LPA: variants seen among roughly 807,000 people sequenced by gnomAD.
The protein encoded by LPA is lipoprotein(a).
LPA carries 199 observed loss-of-function variants against 197.9 expected under a neutral mutation model. The observed-to-expected ratio is 1.01, with a 90% confidence interval of 0.90 to 1.13. The LOEUF (loss-of-function observed/expected upper bound fraction) is 1.13, where lower values mean the gene tolerates loss of function less well. Ranked by LOEUF, LPA falls within the 50% of genes most tolerant of loss-of-function variation. The probability of loss-of-function intolerance (pLI) is 0.00; values close to 1 mark genes in which losing one functional copy is unlikely to be tolerated. For missense variants in LPA, 1,853 were observed against 1,785.8 expected (o/e 1.04, Z -0.68); for synonymous variants, 715 against 639.5 (o/e 1.12, Z -1.78).
rs746643819 is a variant in LPA, at chr6:160,605,218, G to C, written c.2786-13C>G. Reference sequence around the variant, plus strand: ...TGCTCAGTTGGTGCTGAAATGAAAAGAAAAGAAATCAAACTGAGTGTTTCC... The same window carrying C: ...TGCTCAGTTGGTGCTGAAATGAAAACAAAAGAAATCAAACTGAGTGTTTCC... On this transcript the variant is annotated splice_polypyrimidine_tract_variant and intron_variant, in intron 17 of 38. Coordinates refer to ENST00000316300, the MANE Select transcript of LPA (RefSeq NM_005577.4). The C allele has an allele frequency of 1.6e-5, 25 of 1,612,818 alleles. No individual in the cohort carries two copies. Among genetic ancestry groups the C allele is most frequent in the Non-Finnish European group, 2.0e-5 (24 of 1,179,704 alleles).
intron 34 of LPA, among the ~76,000 whole-genome samples, chr6:160,541,987 C>T (rs911962411): frequency 6.6e-6 from 1 of 152,174 alleles, no homozygotes; most frequent in Non-Finnish European, 1.5e-5. Context: ...TAGAGGAGAA[C>T]AGCAATTGAG....
chr6:160,604,968 C>G (rs2115059063), intron 18 of LPA, 78 bp downstream of exon 18: 1 of 1,596,202 alleles, frequency 6.3e-7, no homozygotes, highest in Non-Finnish European at 8.6e-7. Context: ...GTCCTGAACA[C>G]TCAGCTTGAA....
In LPA at chr6:160,541,133, CA is replaced by C; in HGVS notation, c.5567del (p.Val1856GlyfsTer2). 6.2e-7 allele frequency: 1 copy of C among 1,614,148 alleles called. No individual in the cohort carries two copies. The highest frequency in any genetic ancestry group is 8.5e-7 in the Non-Finnish European group (1 of 1,179,982). ...CGGTLISPEW[V>X]LTAAHCLKKS... ...TCTTCAAGCAGTGAGCAGCAGTCAG[CA>C]CCCACTCTGGGGATATTAAGGTGCC... is the stretch of plus-strand genomic sequence containing the variant. On this transcript the variant is annotated frameshift_variant, in exon 35 of 39. Transcript: ENST00000316300. LOFTEE classifies it high-confidence loss of function.
chr6:160,602,095 G>A (rs183325783), intron 18 of LPA, among the ~76,000 whole-genome samples: 17 of 152,170 alleles, frequency 1.1e-4, no homozygotes, highest in African/African-American at 4.1e-4. Context: ...GGGCCATGGG[G>A]ATCCAACACT....
intron 21 of LPA, 147 bp downstream of exon 21, chr6:160,595,207 G>A (rs983703030): frequency 2.3e-5 from 22 of 971,956 alleles, no homozygotes; most frequent in African/African-American, 9.6e-5. Flanking sequence ...CAGAGAAGGC[G>A]CTGAGTGTTC....
At chr6:160,606,425 G>A (rs751804237) in intron 17 of LPA, 52 bp downstream of exon 17, 8 of 1,600,140 alleles carry the variant, frequency 5.0e-6, no homozygotes, top group Non-Finnish European at 6.8e-6. Context: ...AATTTCCATG[G>A]CTTTTCATCC....
At chr6:160,605,940 C>T (rs1281499328) in intron 17 of LPA, among the ~76,000 whole-genome samples, 1 of 152,162 alleles carries the variant, frequency 6.6e-6, no homozygotes, top group Non-Finnish European at 1.5e-5. Flanking sequence ...GCTGCAGAGC[C>T]CACCTATGAC....
chr6:160,572,861 C>G (rs1334741546), intron 28 of LPA, among the ~76,000 whole-genome samples: 1 of 152,138 alleles, frequency 6.6e-6, no homozygotes, highest in Non-Finnish European at 1.5e-5. Flanking sequence ...CTTAACTTTG[C>G]ATAACCTGAT....
At chr6:160,596,254 G>A (rs1465947173) in intron 20 of LPA, among the ~76,000 whole-genome samples, 1 of 152,170 alleles carries the variant, frequency 6.6e-6, no homozygotes, top group Non-Finnish European at 1.5e-5. Flanking sequence ...TAGCCAGACT[G>A]TGTTCAATCA....
chr6:160,585,779 T>C (rs1423414414), intron 25 of LPA, among the ~76,000 whole-genome samples: 1 of 152,078 alleles, frequency 6.6e-6, no homozygotes, highest in Non-Finnish European at 1.5e-5. Context: ...CAGGGAATCT[T>C]GGGCCCAGGA....
chr6:160,542,642 G>A (rs748416705), intron 34 of LPA, 46 bp downstream of exon 34: 1 of 1,611,092 alleles, frequency 6.2e-7, no homozygotes, highest in Non-Finnish European at 8.5e-7. Flanking sequence ...GTTTTGTGGG[G>A]CTTACATGGA....
chr6:160,582,954 T>G (rs560469686), intron 26 of LPA, among the ~76,000 whole-genome samples: 5 of 152,276 alleles, frequency 3.3e-5, no homozygotes, highest in African/African-American at 1.2e-4. Flanking sequence ...ATCTGTACTA[T>G]CTAATATGAT....
At chr6:160,654,082 T>TATATATA (rs1780085556) in intron 1 of LPA, among the ~76,000 whole-genome samples, 3 of 29,966 alleles carry the variant, frequency 1.0e-4, no homozygotes, top group African/African-American at 5.7e-4. Flanking sequence ...TAATATATAT[T>TATATATA]ATATATATTA....
chr6:160,654,587 G>A (rs1212854325), intron 1 of LPA, among the ~76,000 whole-genome samples: 2 of 151,872 alleles, frequency 1.3e-5, no homozygotes, highest in South Asian at 2.1e-4. Flanking sequence ...ACAATAATAA[G>A]GTCATAATTA....
intron 16 of LPA, among the ~76,000 whole-genome samples, chr6:160,608,232 T>C (rs1249906902): frequency 6.6e-6 from 1 of 152,180 alleles, no homozygotes; most frequent in Admixed American, 6.5e-5. Flanking sequence ...TTCCTTTGGG[T>C]CACCTCTCTT....
intron 28 of LPA, among the ~76,000 whole-genome samples, chr6:160,558,841 A>G (rs1196774579): frequency 6.6e-6 from 1 of 152,174 alleles, no homozygotes. Context: ...TCCTCAGATT[A>G]CTAACCTGCA....
chr6:160,584,485 C>G (rs376670390), intron 26 of LPA, among the ~76,000 whole-genome samples: 1 of 151,766 alleles, frequency 6.6e-6, no homozygotes, highest in African/African-American at 2.4e-5. Context: ...GTACCCACCA[C>G]CATGACCGGC....
chr6:160,549,252 G>A (rs1778130017), intron 30 of LPA, among the ~76,000 whole-genome samples: 1 of 152,112 alleles, frequency 6.6e-6, no homozygotes, highest in Admixed American at 6.5e-5. Context: ...TGAGATTTTG[G>A]GTGGGGACAT....
chr6:160,591,932 C>A (rs569250032), intron 22 of LPA, among the ~76,000 whole-genome samples: 15 of 152,250 alleles, frequency 9.9e-5, no homozygotes, highest in African/African-American at 3.6e-4. Flanking sequence ...TTCATAGGAA[C>A]CCCCTTTTTT....
Sources: gnomAD v4.1 joint callset for allele counts (sites outside exome capture counted in the v4.1 genomes callset) on GRCh38, gnomAD v4.1.1 for gene constraint, MANE v1.5 for transcripts, NCBI Gene and HGNC (gene_info 2026-07-23, HGNC 2026-07-21) for gene names.